ALCAM: variants seen among roughly 807,000 people sequenced by gnomAD.
ALCAM encodes the protein CD166 antigen.
In ALCAM, 30 loss-of-function variants were observed where a neutral mutation model predicts 70.9. The observed-to-expected ratio is 0.42, with a 90% CI of 0.32 to 0.57. The LOEUF is 0.57. Ranked by LOEUF, ALCAM falls within the 20% of genes least tolerant of loss-of-function variation. The pLI, the probability that ALCAM is intolerant of heterozygous loss-of-function variation, is 0.11. For synonymous variants in ALCAM, 249 were observed against 242.5 expected (o/e 1.03, Z -0.25); for missense variants, 591 against 695.1 (o/e 0.85, Z 1.68).
At chr3:105,530,283 G>A (rs1939806273) in intron 3 of ALCAM, among the ~76,000 whole-genome samples, 1 of 152,006 alleles carries the variant, frequency 6.6e-6, no homozygotes, top group Non-Finnish European at 1.5e-5. Flanking sequence ...ATAAGATTCA[G>A]TGTTTCATCA....
chr3:105,391,350 T>C lies in ALCAM; in HGVS notation c.73+23869T>C, dbSNP rs369721979. The stretch of plus-strand genomic sequence containing the variant: ...TGTATTCCTAGGTATTTTACTCTCT[T>C]TGTAGAAATTGTGAATGGGAGTTCA... On this transcript the variant is annotated intron_variant, in intron 1 of 15. Coordinates refer to ENST00000306107, the MANE Select transcript of ALCAM (RefSeq NM_001627.4). Among the ~76,000 whole-genome samples, 224 of 152,186 alleles carry C rather than the reference T, an allele frequency of 1.5e-3. 5 individuals are homozygous for C. Among genetic ancestry groups the C allele is most frequent in the South Asian group, 1.9e-3 (9 of 4,810 alleles).
chr3:105,543,434 C>T (rs1940171530), intron 8 of ALCAM, among the ~76,000 whole-genome samples: 2 of 151,744 alleles, frequency 1.3e-5, no homozygotes, highest in African/African-American at 4.8e-5. Context: ...TCAAGTAAAT[C>T]AACATCTGAT....
At chr3:105,453,314 G>A (rs9851952) in intron 1 of ALCAM, among the ~76,000 whole-genome samples, 104,769 of 152,004 alleles carry the variant, frequency 0.69, 36,408 homozygotes, top group East Asian at 0.92. Context: ...TCCCAGCACC[G>A]TTTATCCAAT....
chr3:105,402,875 A>C (rs1936122915), intron 1 of ALCAM, among the ~76,000 whole-genome samples: 1 of 151,444 alleles, frequency 6.6e-6, no homozygotes, highest in Non-Finnish European at 1.5e-5. Flanking sequence ...GAGAAACCTG[A>C]ATACTTAACC....
chr3:105,439,668 G>C lies in ALCAM; in HGVS notation c.73+72187G>C, dbSNP rs115049446. ...TCTGAATTGGAAAATTGAAGCAAGT[G>C]TTGATCTGAAATCTAAAATGTCATG... On this transcript the variant is annotated intron_variant, in intron 1 of 15. Coordinates refer to ENST00000306107, the MANE Select transcript of ALCAM (RefSeq NM_001627.4). Among the ~76,000 whole-genome samples, 861 of 152,298 alleles carry C rather than the reference G, an allele frequency of 5.7e-3. 7 individuals carry two copies. The highest frequency in any genetic ancestry group is 0.02 in the African/African-American group (831 of 41,566).
intron 1 of ALCAM, among the ~76,000 whole-genome samples, chr3:105,429,217 GAA>G (rs1936867050): frequency 6.6e-6 from 1 of 151,888 alleles, no homozygotes; most frequent in South Asian, 2.1e-4. Flanking sequence ...AGTAGACTCA[GAA>G]TAAAAGCATC....
chr3:105,493,560 T>C (rs750158400), intron 1 of ALCAM, among the ~76,000 whole-genome samples: 17 of 151,790 alleles, frequency 1.1e-4, no homozygotes, highest in Non-Finnish European at 1.6e-4. Flanking sequence ...CTGGCCGCAG[T>C]GAGGAAGACG....
intron 1 of ALCAM, among the ~76,000 whole-genome samples, chr3:105,369,490 T>C (rs1334050063): frequency 2.6e-5 from 4 of 152,196 alleles, no homozygotes; most frequent in Non-Finnish European, 5.9e-5. Context: ...CGAGCTGGCA[T>C]TGCCGAAATT....
intron 3 of ALCAM, among the ~76,000 whole-genome samples, chr3:105,530,911 A>C (rs1939823682): frequency 1.3e-5 from 2 of 152,074 alleles, no homozygotes; most frequent in African/African-American, 4.8e-5. Context: ...AACATGTCTA[A>C]TAACTGAATT....
chr3:105,383,181 A>C (rs1055320072), intron 1 of ALCAM, among the ~76,000 whole-genome samples: 4 of 151,620 alleles, frequency 2.6e-5, no homozygotes, highest in Non-Finnish European at 5.9e-5. Flanking sequence ...TTCTTCCCTG[A>C]TCTCTCTAAG....
At chr3:105,398,432 C>T (rs775540862) in intron 1 of ALCAM, among the ~76,000 whole-genome samples, 30 of 151,964 alleles carry the variant, frequency 2.0e-4, no homozygotes, top group Admixed American at 2.0e-4. Flanking sequence ...ATAATGCTAC[C>T]TTATTTAGCC....
In ALCAM at chr3:105,571,514, G is replaced by A. The variant is rs150637283; in HGVS notation, c.1665-338G>A. Among the ~76,000 whole-genome samples the A allele has an allele frequency of 2.0e-4, 31 of 152,234 alleles. No homozygotes were observed. In the East Asian group the frequency reaches 4.8e-3, roughly 24 times the overall value. On this transcript the variant is annotated intron_variant, in intron 14 of 15. Coordinates refer to ENST00000306107, the MANE Select transcript of ALCAM (RefSeq NM_001627.4). ...AATTTTTTTGGAGAAAATTCGCTTA[G>A]AACAAAAATTTACACTATCAAATGA...
At chr3:105,538,909 A>G (rs1940043759) in intron 6 of ALCAM, among the ~76,000 whole-genome samples, 1 of 152,162 alleles carries the variant, frequency 6.6e-6, no homozygotes, top group African/African-American at 2.4e-5. Context: ...ACAATCTATA[A>G]CAAACTTCTA....
intron 1 of ALCAM, among the ~76,000 whole-genome samples, chr3:105,486,901 T>C (rs1938443920): frequency 6.6e-6 from 1 of 152,140 alleles, no homozygotes; most frequent in Admixed American, 6.6e-5. Context: ...TGCATTTAAA[T>C]GATTATTTTC....
chr3:105,470,414 G>A (rs1338242244), intron 1 of ALCAM, among the ~76,000 whole-genome samples: 1 of 151,086 alleles, frequency 6.6e-6, no homozygotes, highest in Non-Finnish European at 1.5e-5. Flanking sequence ...ATATATTGGT[G>A]TCAAGCAATG....
chr3:105,488,493 C>A (rs963115800), intron 1 of ALCAM, among the ~76,000 whole-genome samples: 2 of 151,962 alleles, frequency 1.3e-5, no homozygotes, highest in African/African-American at 2.4e-5. Flanking sequence ...AACATTACTA[C>A]AAATTTGGAT....
chr3:105,397,293 T>C (rs1160012115), intron 1 of ALCAM, among the ~76,000 whole-genome samples: 1 of 152,044 alleles, frequency 6.6e-6, no homozygotes, highest in African/African-American at 2.4e-5. Context: ...AACATTACTT[T>C]TGAAAAATAA....
intron 1 of ALCAM, among the ~76,000 whole-genome samples, chr3:105,370,045 A>G (rs1029805950): frequency 1.4e-4 from 22 of 152,220 alleles, no homozygotes; most frequent in Admixed American, 7.2e-4. Flanking sequence ...CTCTTTCTTC[A>G]CTTGGGTCAT....
At chr3:105,542,746 G>T (rs540608549) in intron 8 of ALCAM, among the ~76,000 whole-genome samples, 69 of 151,896 alleles carry the variant, frequency 4.5e-4, no homozygotes, top group Non-Finnish European at 7.4e-4. Flanking sequence ...GAGAGATACA[G>T]GGAGGTACAT....
Sources: gnomAD v4.1 joint callset for allele counts (sites outside exome capture counted in the v4.1 genomes callset) on GRCh38, gnomAD v4.1.1 for gene constraint, MANE v1.5 for transcripts, NCBI Gene and HGNC (gene_info 2026-07-23, HGNC 2026-07-21) for gene names.